The following NRXN1 variants were observed in gnomAD, a reference collection of about 807,000 sequenced individuals.
NRXN1 encodes the protein neurexin 1, also known as neurexin-1.
NRXN1 carries 39 observed loss-of-function variants against 150.9 expected under a neutral mutation model. The observed-to-expected ratio is 0.26, with a 90% confidence interval of 0.20 to 0.34. NRXN1 has a LOEUF of 0.34. Among genes scored for constraint, NRXN1 ranks in the 10% least tolerant of loss-of-function variants. NRXN1 has a pLI of 1.00. For synonymous variants in NRXN1, 924 were observed against 757.0 expected (o/e 1.22, Z -3.62); for missense variants, 1,815 against 1,949.9 (o/e 0.93, Z 1.30).
chr2:50,219,980 ATATAT>A (rs2063742225), intron 18 of NRXN1, among the ~76,000 whole-genome samples: 3 of 47,850 alleles, frequency 6.3e-5, no homozygotes, highest in African/African-American at 4.2e-4. Flanking sequence ...TATATAATAT[ATATAT>A]TATATATAAT....
intron 5 of NRXN1, among the ~76,000 whole-genome samples, chr2:50,842,013 A>G (rs913908510): frequency 6.6e-6 from 1 of 152,188 alleles, no homozygotes; most frequent in Non-Finnish European, 1.5e-5. Flanking sequence ...TGACTACATA[A>G]TATCAAATAA....
At chr2:50,094,906 G>C (rs564174383) in intron 18 of NRXN1, among the ~76,000 whole-genome samples, 3 of 152,172 alleles carry the variant, frequency 2.0e-5, no homozygotes, top group Non-Finnish European at 4.4e-5. Flanking sequence ...GTTAAGGTCT[G>C]TAAAGAACCA....
intron 2 of NRXN1, among the ~76,000 whole-genome samples, chr2:51,026,627 G>A (rs552014500): frequency 2.0e-5 from 3 of 152,184 alleles, no homozygotes; most frequent in Non-Finnish European, 2.9e-5. Context: ...TCCCTTACAT[G>A]CATCCCTGTT....
chr2:50,204,379 T>C (rs1015616564), intron 18 of NRXN1, among the ~76,000 whole-genome samples: 25 of 151,686 alleles, frequency 1.6e-4, no homozygotes, highest in African/African-American at 2.4e-5. Flanking sequence ...TGTGTATGTT[T>C]GTATGTAAGA....
intron 5 of NRXN1, among the ~76,000 whole-genome samples, chr2:50,837,720 A>G (rs1672308006): frequency 6.6e-6 from 1 of 152,124 alleles, no homozygotes; most frequent in Non-Finnish European, 1.5e-5. Flanking sequence ...ATAAACCAGA[A>G]ATATTTTTGC....
At chr2:50,968,514 C>T (rs1199634245) in intron 2 of NRXN1, among the ~76,000 whole-genome samples, 2 of 152,056 alleles carry the variant, frequency 1.3e-5, no homozygotes, top group Admixed American at 1.3e-4. Context: ...GTTAACTCTT[C>T]TGGTGGTAAT....
At chr2:50,320,583 G>C (rs1297944460) in intron 17 of NRXN1, among the ~76,000 whole-genome samples, 1 of 151,690 alleles carries the variant, frequency 6.6e-6, no homozygotes, top group African/African-American at 2.4e-5. Flanking sequence ...AGTCATAAAG[G>C]CTTCCAAGAG....
chr2:50,881,053 A>T (rs1266658161), intron 5 of NRXN1, among the ~76,000 whole-genome samples: 1 of 151,980 alleles, frequency 6.6e-6, no homozygotes, highest in African/African-American at 2.4e-5. Flanking sequence ...TATCAACCAT[A>T]TGAATTTATT....
At chr2:50,150,337 A>G (rs1048673110) in intron 18 of NRXN1, among the ~76,000 whole-genome samples, 1 of 151,838 alleles carries the variant, frequency 6.6e-6, no homozygotes, top group Non-Finnish European at 1.5e-5. Flanking sequence ...ACTAACACTT[A>G]TAAAGACAGC....
At chr2:50,746,559 AAACAACAAC>A (rs77543976) in intron 5 of NRXN1, among the ~76,000 whole-genome samples, 321 of 149,176 alleles carry the variant, frequency 2.2e-3, no homozygotes, top group East Asian at 8.6e-3. Flanking sequence ...CCCTGTCTCA[AAACAACAAC>A]AACAACAACA....
At chr2:50,902,542 T>G (rs1161380684) in intron 5 of NRXN1, among the ~76,000 whole-genome samples, 1 of 152,188 alleles carries the variant, frequency 6.6e-6, no homozygotes, top group Non-Finnish European at 1.5e-5. Context: ...GTTTTCTAAT[T>G]CAATTTGTGA....
At chr2:50,827,520 G>A (rs1458811348) in intron 5 of NRXN1, among the ~76,000 whole-genome samples, 1 of 150,594 alleles carries the variant, frequency 6.6e-6, no homozygotes, top group East Asian at 1.9e-4. Context: ...GAAGAACAAA[G>A]TAAACTCTTT....
At chr2:50,153,362 G>A (rs1023858863) in intron 18 of NRXN1, among the ~76,000 whole-genome samples, 2 of 150,004 alleles carry the variant, frequency 1.3e-5, no homozygotes, top group Admixed American at 6.7e-5. Context: ...TCCTTTAAAT[G>A]AGTCATACTT....
At chr2:50,069,709 A>G (rs1306736900) in intron 19 of NRXN1, among the ~76,000 whole-genome samples, 1 of 152,074 alleles carries the variant, frequency 6.6e-6, no homozygotes, top group East Asian at 1.9e-4. Context: ...ACTTTGTGCT[A>G]TACAGACACA....
At chr2:49,942,492 C>A (rs574121563) in intron 22 of NRXN1, among the ~76,000 whole-genome samples, 1 of 152,152 alleles carries the variant, frequency 6.6e-6, no homozygotes, top group African/African-American at 2.4e-5. Flanking sequence ...TTTCTTGTGA[C>A]ATGAAATTCT....
chr2:50,494,694 C>T lies in NRXN1; in HGVS notation c.3070+1211G>A, dbSNP rs544652923. ...CAATTACAGAAAGCAAAACACTTTT[C>T]TTTCTCCTTTCACCTTGTTTAGAAA... On this transcript the variant is annotated intron_variant, in intron 15 of 22. Coordinates refer to ENST00000401669, the MANE Select transcript of NRXN1 (RefSeq NM_001330078.2). Among the ~76,000 whole-genome samples, 25 of 152,274 alleles carry T rather than the reference C, an allele frequency of 1.6e-4. 1 individual carries two copies. In the South Asian group the frequency reaches 3.9e-3, roughly 24 times the overall value.
At chr2:50,739,872 T>C (rs1195215579) in intron 5 of NRXN1, among the ~76,000 whole-genome samples, 2 of 152,172 alleles carry the variant, frequency 1.3e-5, no homozygotes, top group Non-Finnish European at 1.5e-5. Flanking sequence ...TTTATTGTCA[T>C]TGAAACATAA....
intron 17 of NRXN1, among the ~76,000 whole-genome samples, chr2:50,382,712 G>T (rs2081057950): frequency 6.6e-6 from 1 of 152,150 alleles, no homozygotes; most frequent in African/African-American, 2.4e-5. Context: ...ATCATCTGAA[G>T]TTCCCCATGG....
In NRXN1 at chr2:50,642,878, T is replaced by A. The variant is rs559123795; in HGVS notation, c.833-19263A>T. Among the ~76,000 whole-genome samples the A allele has an allele frequency of 2.0e-5, 3 of 152,056 alleles. No homozygotes were observed. The East Asian group carries it at 5.8e-4, about 29-fold the overall frequency. On this transcript the variant is annotated intron_variant, in intron 5 of 22. Coordinates refer to ENST00000401669, the MANE Select transcript of NRXN1 (RefSeq NM_001330078.2). ...AATATGTGTGGAGGAAAAGCCTTCT[T>A]CTAAAAAGGGTTTGTTTTACACTAC... is the stretch of plus-strand genomic sequence containing the variant.
Sources: gnomAD v4.1 joint callset for allele counts (sites outside exome capture counted in the v4.1 genomes callset) on GRCh38, gnomAD v4.1.1 for gene constraint, MANE v1.5 for transcripts, NCBI Gene and HGNC (gene_info 2026-07-23, HGNC 2026-07-21) for gene names.